Variants in ATXN7L1 observed in about 807,000 individuals in gnomAD.
ATXN7L1 encodes the protein ataxin-7-like protein 1.
Under a neutral mutation model 70.8 loss-of-function variants are expected in ATXN7L1, and 15 were observed. The ratio of observed to expected loss-of-function variants is 0.21; its 90% CI spans 0.14 to 0.33. The LOEUF is 0.33. Among genes scored for constraint, ATXN7L1 ranks in the 10% least tolerant of loss-of-function variants. The probability of loss-of-function intolerance (pLI) is 1.00; values close to 1 mark genes in which losing one functional copy is unlikely to be tolerated. For synonymous variants in ATXN7L1, 440 were observed against 445.1 expected (o/e 0.99, Z 0.14); for missense variants, 975 against 1,097.1 (o/e 0.89, Z 1.57).
chr7:105,861,426 G>A (rs1816619425), intron 2 of ATXN7L1, among the ~76,000 whole-genome samples: 1 of 151,700 alleles, frequency 6.6e-6, no homozygotes, highest in South Asian at 2.1e-4. Context: ...GTGGGGGAGT[G>A]GAGAGAGATG....
At chr7:105,718,511 T>C (rs966892544) in intron 3 of ATXN7L1, among the ~76,000 whole-genome samples, 1 of 152,226 alleles carries the variant, frequency 6.6e-6, no homozygotes, top group Non-Finnish European at 1.5e-5. Flanking sequence ...GGGTCATATC[T>C]ACCTTTTGGT....
chr7:105,648,630 G>C (rs1055499801), intron 4 of ATXN7L1, among the ~76,000 whole-genome samples: 2 of 151,942 alleles, frequency 1.3e-5, no homozygotes, highest in Non-Finnish European at 2.9e-5. Context: ...CAGATCCCGC[G>C]TGTGCCTATG....
chr7:105,812,313 T>C (rs937823983), intron 2 of ATXN7L1, among the ~76,000 whole-genome samples: 1 of 152,238 alleles, frequency 6.6e-6, no homozygotes, highest in Non-Finnish European at 1.5e-5. Flanking sequence ...CGAAAACATA[T>C]GAACTTTAAA....
intron 2 of ATXN7L1, among the ~76,000 whole-genome samples, chr7:105,822,307 A>G (rs1224876492): frequency 1.3e-5 from 2 of 152,218 alleles, no homozygotes; most frequent in South Asian, 2.1e-4. Flanking sequence ...TGTGGAAAAC[A>G]TAACACCCTT....
At chr7:105,819,027 TC>T (rs1223140827) in intron 2 of ATXN7L1, among the ~76,000 whole-genome samples, 1 of 149,612 alleles carries the variant, frequency 6.7e-6, no homozygotes, top group Non-Finnish European at 1.5e-5. Flanking sequence ...ATGCTATCCC[TC>T]CCCCAGCCCC....
chr7:105,673,506 C>G (rs1158357981), intron 3 of ATXN7L1, among the ~76,000 whole-genome samples: 2 of 152,260 alleles, frequency 1.3e-5, no homozygotes, highest in Non-Finnish European at 2.9e-5. Context: ...TCTCCTTCAG[C>G]CCCCACTTTT....
intron 3 of ATXN7L1, among the ~76,000 whole-genome samples, chr7:105,706,194 T>C (rs564862282): frequency 2.0e-5 from 3 of 152,088 alleles, no homozygotes; most frequent in South Asian, 2.1e-4. Flanking sequence ...TTGTTTTTGT[T>C]TTTGTCTTTT....
chr7:105,674,482 T>C (rs1804308981), intron 3 of ATXN7L1, among the ~76,000 whole-genome samples: 1 of 152,200 alleles, frequency 6.6e-6, no homozygotes, highest in South Asian at 2.1e-4. Context: ...TTTTTTTTCT[T>C]CTTAGATATC....
chr7:105,824,249 G>A (rs1360479125), intron 2 of ATXN7L1, among the ~76,000 whole-genome samples: 1 of 152,090 alleles, frequency 6.6e-6, no homozygotes, highest in Non-Finnish European at 1.5e-5. Context: ...TTTACAATGG[G>A]CCACCAGTAA....
chr7:105,702,876 T>C (rs1296938883), intron 3 of ATXN7L1, among the ~76,000 whole-genome samples: 1 of 151,954 alleles, frequency 6.6e-6, no homozygotes, highest in Non-Finnish European at 1.5e-5. Context: ...CCCAGCACTT[T>C]GGGAGGCCGA....
chr7:105,615,384 C>T (rs534961532), intron 9 of ATXN7L1, among the ~76,000 whole-genome samples: 1 of 152,324 alleles, frequency 6.6e-6, no homozygotes, highest in Non-Finnish European at 1.5e-5. Flanking sequence ...GAACGGCCCT[C>T]TCCAAGGCCA....
At chr7:105,690,927 T>C (rs114464302) in intron 3 of ATXN7L1, among the ~76,000 whole-genome samples, 424 of 152,326 alleles carry the variant, frequency 2.8e-3, no homozygotes, top group African/African-American at 1.0e-2. Context: ...CCAAAGATGC[T>C]ACCACCAGGC....
chr7:105,769,463 G>A, intron 3 of ATXN7L1, among the ~76,000 whole-genome samples: 1 of 152,126 alleles, frequency 6.6e-6, no homozygotes, highest in Non-Finnish European at 1.5e-5. Context: ...CCCATAGTGG[G>A]TGATCAGAAA....
intron 5 of ATXN7L1, among the ~76,000 whole-genome samples, chr7:105,642,237 A>C (rs1798372966): frequency 6.6e-6 from 1 of 152,190 alleles, no homozygotes; most frequent in South Asian, 2.1e-4. Flanking sequence ...GAGTAGACCC[A>C]CAAGAGACCG....
chr7:105,736,049 T>G (rs1797335130), intron 3 of ATXN7L1, among the ~76,000 whole-genome samples: 1 of 152,180 alleles, frequency 6.6e-6, no homozygotes, highest in South Asian at 2.1e-4. Context: ...TTTCTTGGCT[T>G]CTGAAGATGG....
Position 105,761,205 on chromosome 7 carries a change from C to T in ATXN7L1, c.355+27399G>A, listed in dbSNP as rs142316159. The stretch of plus-strand genomic sequence containing the variant: ...AGGTACCCCCTGCTCTGCTCAAGCC[C>T]ATTTCCTTACTAGATCCTGACACCA... On this transcript the variant is annotated intron_variant, in intron 3 of 11. Transcript: ENST00000419735. 5.3e-4 allele frequency: 762 copies of T among 1,432,812 alleles called. 1 individual carries two copies. The African/African-American group carries it at 9.8e-3, about 18-fold the overall frequency. 88.8% of individuals were successfully genotyped at this position (1,432,812 alleles called of 1,614,324 possible). A position where few individuals can be genotyped will look rare whatever the true frequency, so the allele number is the denominator to read the frequency against.
Position 105,688,270 on chromosome 7 carries a change from G to A in ATXN7L1, c.356-22982C>T, listed in dbSNP as rs76828291. On this transcript the variant is annotated intron_variant, in intron 3 of 11. Transcript: ENST00000419735. ...AAAAATCCCAACTGGGGACGGACAC[G>A]GTGGTTCATGCCTGTAATCCCAGCA... 5.2e-3 allele frequency among the ~76,000 whole-genome samples: 797 copies of A among 152,308 alleles called. 9 individuals carry two copies. Among genetic ancestry groups the A allele is most frequent in the African/African-American group, 0.018 (765 of 41,568 alleles).
chr7:105,785,159 A>T (rs1438966351), intron 3 of ATXN7L1, among the ~76,000 whole-genome samples: 1 of 152,218 alleles, frequency 6.6e-6, no homozygotes, highest in African/African-American at 2.4e-5. Context: ...GGCTGTTGAA[A>T]AGATTACATG....
chr7:105,620,670 G>A (rs1008961186), intron 8 of ATXN7L1, among the ~76,000 whole-genome samples: 7 of 152,096 alleles, frequency 4.6e-5, no homozygotes, highest in African/African-American at 1.4e-4. Context: ...TGAGGTGGGC[G>A]GATCACTTGA....
Sources: gnomAD v4.1 joint callset for allele counts (sites outside exome capture counted in the v4.1 genomes callset) on GRCh38, gnomAD v4.1.1 for gene constraint, MANE v1.5 for transcripts, NCBI Gene and HGNC (gene_info 2026-07-23, HGNC 2026-07-21) for gene names.